Variants in NXPE2 observed in about 807,000 individuals in gnomAD.
NXPE2 encodes NXPE family member 2.
NXPE2 carries 34 observed loss-of-function variants against 34.4 expected under a neutral mutation model. The ratio of observed to expected loss-of-function variants is 0.99; its 90% confidence interval spans 0.75 to 1.31. NXPE2 has a LOEUF of 1.31. Among genes scored for constraint, NXPE2 ranks in the 40% most tolerant of loss-of-function variants. The probability of loss-of-function intolerance (pLI) is 0.00; values close to 1 mark genes in which losing one functional copy is unlikely to be tolerated. For synonymous variants in NXPE2, 235 were observed against 231.3 expected (o/e 1.02, Z -0.15); for missense variants, 649 against 672.5 (o/e 0.97, Z 0.39).
At chr11:114,623,655 C>T in the NXPE2 span, among the ~76,000 whole-genome samples, 1 of 151,954 alleles carries the variant, frequency 6.6e-6, no homozygotes, top group Non-Finnish European at 1.5e-5. Context: ...TTGTGTGTAA[C>T]CACTCTTACC....
the NXPE2 span, among the ~76,000 whole-genome samples, chr11:114,579,401 T>A: frequency 6.6e-6 from 1 of 152,206 alleles, no homozygotes; most frequent in Non-Finnish European, 1.5e-5. Flanking sequence ...ACTATTATTA[T>A]TCCTGGTTGA....
intron 2 of NXPE2, among the ~76,000 whole-genome samples, chr11:114,691,479 C>T (rs1488782135): frequency 6.6e-6 from 1 of 152,064 alleles, no homozygotes; most frequent in Admixed American, 6.6e-5. Context: ...AGAGTAATAG[C>T]TGGCAGCTAG....
chr11:114,707,489 G>T, downstream of NXPE2: 1 of 353,878 alleles, frequency 2.8e-6, no homozygotes, highest in Non-Finnish European at 5.8e-6. Flanking sequence ...CTGCCTCCCG[G>T]GTTCAAGCGA....
chr11:114,499,208 A>G, the NXPE2 span, among the ~76,000 whole-genome samples: 6 of 152,134 alleles, frequency 3.9e-5, no homozygotes, highest in African/African-American at 1.4e-4. Context: ...ACATACTTCT[A>G]TATCTGTGAA....
chr11:114,613,446 A>C, the NXPE2 span, among the ~76,000 whole-genome samples: 1 of 151,946 alleles, frequency 6.6e-6, no homozygotes, highest in African/African-American at 2.4e-5. Flanking sequence ...CCTCTTGTGT[A>C]ACCACTGTTA....
the NXPE2 span, chr11:114,571,023 G>T: frequency 1.2e-6 from 2 of 1,613,148 alleles, no homozygotes; most frequent in Admixed American, 3.3e-5. Context: ...ATATGCAATT[G>T]TTATATCCCA....
the NXPE2 span, among the ~76,000 whole-genome samples, chr11:114,646,449 C>T: frequency 2.6e-5 from 4 of 151,918 alleles, no homozygotes; most frequent in East Asian, 3.9e-4. Context: ...TGAAAACATT[C>T]TTGTATTCTT....
Position 114,698,604 on chromosome 11 carries a change from G to T in NXPE2, c.692G>T (p.Cys231Phe). The change falls in exon 3 of 6, where the codon TGT becomes TTT. Residue 231 changes from cysteine to phenylalanine, a missense_variant. Transcript: ENST00000389586. ...ANRSSNVFTE[C>F]GLTLNTNAEL... ...AGAAGCTCCAATGTCTTCACTGAAT[G>T]TGGCCTGACCCTAAACACAAATGCT... 6.2e-7 allele frequency: 1 copy of T among 1,614,180 alleles called. No homozygotes were observed. Among genetic ancestry groups the T allele is most frequent in the Non-Finnish European group, 8.5e-7 (1 of 1,180,034 alleles).
At chr11:114,710,303 A>G (rs1047461956), downstream of NXPE2, among the ~76,000 whole-genome samples, 2 of 152,166 alleles carry the variant, frequency 1.3e-5, no homozygotes, top group African/African-American at 4.8e-5. Context: ...AGATCAAAAA[A>G]ACTAAGAGTT....
At chr11:114,557,068 A>G in the NXPE2 span, among the ~76,000 whole-genome samples, 4 of 151,666 alleles carry the variant, frequency 2.6e-5, no homozygotes, top group Non-Finnish European at 5.9e-5. Flanking sequence ...AATTTTTTGT[A>G]GTTTTAGTAG....
the NXPE2 span, chr11:114,523,200 A>G: frequency 2.7e-6 from 2 of 746,876 alleles, no homozygotes; most frequent in Non-Finnish European, 4.5e-6. Flanking sequence ...TGTAATGCCT[A>G]TTTCCTTTTT....
the NXPE2 span, among the ~76,000 whole-genome samples, chr11:114,535,870 CA>C: frequency 4.9e-3 from 740 of 152,228 alleles, 28 homozygotes; most frequent in Non-Finnish European, 1.3e-3. Context: ...TTAGACAGAT[CA>C]ACGAGACAGA....
the NXPE2 span, among the ~76,000 whole-genome samples, chr11:114,768,720 G>A: frequency 3.9e-5 from 6 of 152,108 alleles, no homozygotes; most frequent in Non-Finnish European, 7.4e-5. Flanking sequence ...TCTATTATTG[G>A]TGTATAGCAA....
At chr11:114,777,347 G>A in the NXPE2 span, among the ~76,000 whole-genome samples, 32 of 152,228 alleles carry the variant, frequency 2.1e-4, no homozygotes, top group Non-Finnish European at 1.5e-5. Flanking sequence ...GGGGACTGTA[G>A]CCCTACTCTA....
chr11:114,591,300 T>A, the NXPE2 span, among the ~76,000 whole-genome samples: 1 of 152,224 alleles, frequency 6.6e-6, no homozygotes, highest in Admixed American at 6.5e-5. Flanking sequence ...TAATTCTCCA[T>A]GCTCATGCTA....
chr11:114,535,641 G>A, the NXPE2 span, among the ~76,000 whole-genome samples: 219 of 152,060 alleles, frequency 1.4e-3, 1 homozygote, highest in Admixed American at 2.3e-3. Flanking sequence ...TCCTAGTCTC[G>A]GATAAAACAG....
chr11:114,806,571 C>T, the NXPE2 span, among the ~76,000 whole-genome samples: 87 of 151,780 alleles, frequency 5.7e-4, no homozygotes, highest in African/African-American at 2.0e-3. Context: ...GTAGCCGATG[C>T]GATCAACTGG....
the NXPE2 span, among the ~76,000 whole-genome samples, chr11:114,779,674 A>G: frequency 5.5e-4 from 83 of 152,258 alleles, no homozygotes; most frequent in Admixed American, 1.8e-3. Context: ...CCTCCAGAGT[A>G]AACAGAGAAA....
At chr11:114,737,366 G>A in the NXPE2 span, among the ~76,000 whole-genome samples, 14,397 of 151,994 alleles carry the variant, frequency 0.095, 728 homozygotes, top group Middle Eastern at 0.13. Context: ...GGGCATTAGC[G>A]GATGTCAGTG....
Sources: allele counts gnomAD v4.1 joint callset (sites outside exome capture counted in the v4.1 genomes callset), GRCh38; gene constraint gnomAD v4.1.1; transcripts MANE v1.5; gene names NCBI Gene and HGNC (gene_info 2026-07-23, HGNC 2026-07-21).